Variants in ROBO2 observed in about 807,000 individuals in gnomAD.
ROBO2 encodes the protein roundabout guidance receptor 2, also known as roundabout homolog 2.
In ROBO2, 53 loss-of-function variants were observed where a neutral mutation model predicts 160.8. That is an observed-to-expected ratio of 0.33 (90% confidence interval 0.26 to 0.41). ROBO2 has a LOEUF of 0.41. Ranked by LOEUF, ROBO2 falls within the 10% of genes least tolerant of loss-of-function variation. The pLI is 1.00. For missense variants in ROBO2, 1,577 were observed against 1,722.4 expected, an observed-to-expected ratio of 0.92 and a Z score of 1.49; for synonymous variants, 664 against 611.7, an observed-to-expected ratio of 1.09 and a Z score of -1.26.
intron 2 of ROBO2, among the ~76,000 whole-genome samples, chr3:76,175,518 T>G (rs990725708): frequency 2.0e-5 from 3 of 152,220 alleles, no homozygotes; most frequent in Non-Finnish European, 2.9e-5. Context: ...GCAACTCATT[T>G]TCTCATGAAG....
intron 2 of ROBO2, among the ~76,000 whole-genome samples, chr3:76,922,407 C>A (rs142544088): frequency 6.6e-4 from 100 of 152,308 alleles, no homozygotes; most frequent in African/African-American, 2.2e-3. Flanking sequence ...CCAACCAAGG[C>A]TTCGAGAGCA....
intron 2 of ROBO2, among the ~76,000 whole-genome samples, chr3:77,370,417 G>A (rs1009807324): frequency 2.0e-5 from 3 of 152,180 alleles, no homozygotes; most frequent in African/African-American, 4.8e-5. Flanking sequence ...TGAGGGCTCC[G>A]ATTTTGACTT....
chr3:76,003,240 A>ATACCAG (rs1030145794), intron 2 of ROBO2, among the ~76,000 whole-genome samples: 1 of 152,158 alleles, frequency 6.6e-6, no homozygotes, highest in African/African-American at 2.4e-5. Flanking sequence ...TGCTAAATAA[A>ATACCAG]TACCAGTGGA....
At chr3:77,462,409 A>T (rs959997795) in intron 2 of ROBO2, among the ~76,000 whole-genome samples, 1 of 152,212 alleles carries the variant, frequency 6.6e-6, no homozygotes, top group African/African-American at 2.4e-5. Flanking sequence ...TCATTAGTTG[A>T]ATTGTACACT....
intron 2 of ROBO2, among the ~76,000 whole-genome samples, chr3:76,784,524 C>T (rs267133): frequency 0.84 from 126,711 of 151,062 alleles, 53,253 homozygotes; most frequent in Admixed American, 0.86. Context: ...TCCATATCTG[C>T]TATTAAGATC....
intron 2 of ROBO2, among the ~76,000 whole-genome samples, chr3:76,854,079 C>CCTCTCT (rs148459468): frequency 2.9e-4 from 38 of 132,528 alleles, no homozygotes; most frequent in African/African-American, 8.9e-4. Flanking sequence ...TCTCTGTCTG[C>CCTCTCT]CTCTCTCTCT....
intron 2 of ROBO2, among the ~76,000 whole-genome samples, chr3:76,995,832 T>C (rs1382044439): frequency 3.3e-5 from 5 of 152,158 alleles, no homozygotes; most frequent in Non-Finnish European, 7.4e-5. Context: ...TTTGAGTGCA[T>C]TGTAGATTCT....
chr3:76,527,237 T>A (rs1156385945), intron 2 of ROBO2, among the ~76,000 whole-genome samples: 3 of 152,108 alleles, frequency 2.0e-5, no homozygotes, highest in Non-Finnish European at 4.4e-5. Flanking sequence ...ACATAAGACT[T>A]AAATAATTAT....
chr3:76,399,015 T>A (rs1472170607), intron 2 of ROBO2, among the ~76,000 whole-genome samples: 1 of 151,814 alleles, frequency 6.6e-6, no homozygotes, highest in Non-Finnish European at 1.5e-5. Flanking sequence ...GTTTTGAACA[T>A]ACAACTCTGT....
intron 2 of ROBO2, among the ~76,000 whole-genome samples, chr3:77,218,695 G>A (rs984685793): frequency 6.6e-6 from 1 of 152,042 alleles, no homozygotes; most frequent in Admixed American, 6.6e-5. Context: ...TCCTGTAGAG[G>A]AAGTATAATT....
At chr3:77,447,318 CAA>C (rs980752053) in intron 2 of ROBO2, among the ~76,000 whole-genome samples, 1 of 152,000 alleles carries the variant, frequency 6.6e-6, no homozygotes, top group African/African-American at 2.4e-5. Flanking sequence ...TTCTGAATGT[CAA>C]GTGTTGGAAT....
intron 2 of ROBO2, among the ~76,000 whole-genome samples, chr3:77,124,643 T>C (rs1027603298): frequency 6.6e-6 from 1 of 152,160 alleles, no homozygotes; most frequent in African/African-American, 2.4e-5. Flanking sequence ...AGGGGTCTGT[T>C]GTATTCTTGC....
chr3:76,606,114 A>G (rs2087632413), intron 2 of ROBO2, among the ~76,000 whole-genome samples: 1 of 152,106 alleles, frequency 6.6e-6, no homozygotes, highest in African/African-American at 2.4e-5. Context: ...AGCCCATTCT[A>G]CTGGGGAAAT....
At chr3:75,974,234 A>G (rs569364597) in intron 2 of ROBO2, among the ~76,000 whole-genome samples, 6 of 151,790 alleles carry the variant, frequency 4.0e-5, no homozygotes, top group South Asian at 4.1e-4. Flanking sequence ...ACAAGAAAGA[A>G]TAGGTTCAGG....
chr3:77,367,828 C>T (rs2071142885), intron 2 of ROBO2, among the ~76,000 whole-genome samples: 1 of 152,104 alleles, frequency 6.6e-6, no homozygotes, highest in African/African-American at 2.4e-5. Flanking sequence ...ACTTCCAGTT[C>T]ATCAGTTGTG....
At chr3:76,421,725 T>TA (rs11371650) in intron 2 of ROBO2, among the ~76,000 whole-genome samples, 97,375 of 148,028 alleles carry the variant, frequency 0.66, 32,392 homozygotes, top group African/African-American at 0.82. Context: ...AAACTCCATC[T>TA]AAAAAAAAAA....
intron 2 of ROBO2, among the ~76,000 whole-genome samples, chr3:76,214,705 C>G (rs930840699): frequency 6.6e-6 from 1 of 152,204 alleles, no homozygotes; most frequent in Non-Finnish European, 1.5e-5. Context: ...TCAAGGAGGC[C>G]TGCCTGCCTC....
At chr3:76,294,737 T>C (rs559710426) in intron 2 of ROBO2, among the ~76,000 whole-genome samples, 4 of 152,218 alleles carry the variant, frequency 2.6e-5, no homozygotes, top group Non-Finnish European at 5.9e-5. Context: ...GATTCAAATA[T>C]ATTTCATGAA....
chr3:77,568,562 T>C, intron 13 of ROBO2, 128 bp downstream of exon 14: 2 of 1,082,092 alleles, frequency 1.8e-6, no homozygotes, highest in Non-Finnish European at 2.8e-6. Context: ...TAATCAATGA[T>C]AGTAAAGAAA....
Sources: gnomAD v4.1 joint callset for allele counts (sites outside exome capture counted in the v4.1 genomes callset) on GRCh38, gnomAD v4.1.1 for gene constraint, MANE v1.5 for transcripts, NCBI Gene and HGNC (gene_info 2026-07-23, HGNC 2026-07-21) for gene names.